Variants in KIF27 observed in about 807,000 individuals in gnomAD.
KIF27 encodes kinesin family member 27.
KIF27 carries 84 observed loss-of-function variants against 141.8 expected under a neutral mutation model. The observed-to-expected ratio is 0.59, with a 90% CI of 0.50 to 0.71. The LOEUF (loss-of-function observed/expected upper bound fraction) is 0.71, where lower values mean the gene tolerates loss of function less well. KIF27 is among the 30% of genes least tolerant of loss of function. KIF27 has a pLI of 0.00. For synonymous variants in KIF27, 471 were observed against 569.5 expected, an observed-to-expected ratio of 0.83 and a Z score of 2.46; for missense variants, 1,306 against 1,628.4, an observed-to-expected ratio of 0.80 and a Z score of 3.41.
Position 83,842,189 on chromosome 9 carries a change from C to G in KIF27, c.3721+48G>C, listed in dbSNP as rs538931045. 2,161 of 1,463,830 alleles carry G rather than the reference C, an allele frequency of 1.5e-3. 52 individuals are homozygous for G. In the South Asian group the frequency reaches 0.03, roughly 20 times the overall value. The allele number at this position is 1,463,830 out of a possible 1,614,324, so 90.7% of individuals were successfully genotyped here. ...CACTACAAAGCTGGCATGACTTCACCAAATGCTAGAGAAACAGTGTTAAGA... is the reference window on the plus strand; with the variant it reads ...CACTACAAAGCTGGCATGACTTCACGAAATGCTAGAGAAACAGTGTTAAGA... On this transcript the variant is annotated intron_variant, in intron 17 of 17. Transcript: ENST00000297814.
chr9:83,866,087 G>A (rs957200569), intron 13 of KIF27, among the ~76,000 whole-genome samples: 3 of 151,940 alleles, frequency 2.0e-5, no homozygotes, highest in African/African-American at 4.8e-5. Context: ...TGCTGTGCCT[G>A]GTTCAATCTT....
chr9:83,879,593 A>G (rs755808250), intron 11 of KIF27, among the ~76,000 whole-genome samples: 1 of 152,186 alleles, frequency 6.6e-6, no homozygotes, highest in African/African-American at 2.4e-5. Context: ...ATAGTACTAG[A>G]TAAGTGTCTG....
rs760664750 is a variant in KIF27 at position 83,867,854 on chromosome 9, C to G, written c.2764G>C (p.Asp922His). 1.3e-6 allele frequency: 2 copies of G among 1,570,374 alleles called. No homozygotes were observed. The highest frequency in any genetic ancestry group is 1.7e-6 in the Non-Finnish European group (2 of 1,165,322). ...FGSIDHLQKL[D>H]EQKKWLDEEV... The stretch of plus-strand genomic sequence containing the variant: ...TCATCTAACCATTTCTTTTGCTCAT[C>G]CAATTTCTACATTAAAATTAAAAAA... Residue 922 changes from aspartate to histidine, a missense_variant, in exon 13 of 18, where the codon GAT becomes CAT. Physicochemically the swap from Asp to His is moderately conservative, Grantham distance 81. This residue lies in a region of KIF27 where 596 missense variants were observed against 751.6 expected (regional missense o/e 0.79). Transcript: ENST00000297814.
chr9:83,917,952 T>C (rs933011325), intron 1 of KIF27, among the ~76,000 whole-genome samples: 7 of 152,174 alleles, frequency 4.6e-5, no homozygotes, highest in Non-Finnish European at 1.0e-4. Flanking sequence ...TTATACATTG[T>C]ATACATGTAC....
At chr9:83,872,684 T>C (rs1354174622) in intron 11 of KIF27, among the ~76,000 whole-genome samples, 1 of 152,030 alleles carries the variant, frequency 6.6e-6, no homozygotes, top group Non-Finnish European at 1.5e-5. Flanking sequence ...TCAGAAGCAC[T>C]GATAGGAAGT....
chr9:83,886,910 T>G (rs1299489096), intron 9 of KIF27, 131 bp downstream of exon 9: 1 of 1,011,754 alleles, frequency 9.9e-7, no homozygotes, highest in East Asian at 3.1e-5. Context: ...GCCTAAAAAC[T>G]CACCTTGTTA....
In KIF27 at chr9:83,850,272, C is replaced by T. The variant is rs368566567; in HGVS notation, c.3383G>A (p.Arg1128Gln). ...NKVVNLREAE[R>Q]KQQLYNEEMK... ...TTCTTCATTATATAACTGTTGTTTC[C>T]GTTCAGCTTCTCGCAAATTCACCAC... The change falls in exon 16 of 18, where the codon CGG (arginine) becomes CAG (glutamine). Residue 1128 changes from arginine (R) to glutamine (Q), a missense_variant. Physicochemically the swap from Arg to Gln is conservative, Grantham distance 43. This residue lies in a region of KIF27 where 596 missense variants were observed against 751.6 expected (regional missense o/e 0.79). Transcript: ENST00000297814. 42 of 1,613,520 alleles carry T rather than the reference C, an allele frequency of 2.6e-5. No homozygotes were observed. The East Asian group carries it at 5.8e-4, about 22-fold the overall frequency.
At chr9:83,898,276 A>C (rs1471317735) in intron 5 of KIF27, among the ~76,000 whole-genome samples, 1 of 152,220 alleles carries the variant, frequency 6.6e-6, no homozygotes, top group Non-Finnish European at 1.5e-5. Flanking sequence ...TTACAGATAA[A>C]ATATTAGAAT....
Position 83,899,884 on chromosome 9 carries a change from A to C in KIF27, c.1459-80T>G, listed in dbSNP as rs993282771. Reference sequence around the variant, plus strand: ...CCCATATGATAACACAAAAATGGTGATTTGATTATAGCTTGATGATGTCTC... The same window carrying C: ...CCCATATGATAACACAAAAATGGTGCTTTGATTATAGCTTGATGATGTCTC... On this transcript the variant is annotated intron_variant, in intron 4 of 17. Transcript: ENST00000297814. 3.3e-6 allele frequency: 4 copies of C among 1,210,298 alleles called. No homozygotes were observed. In the African/African-American group the frequency reaches 5.9e-5, roughly 18 times the overall value. 75.0% of individuals were successfully genotyped at this position (1,210,298 alleles called of 1,614,324 possible).
chr9:83,912,140 T>A (rs985494746), intron 2 of KIF27, among the ~76,000 whole-genome samples: 9 of 152,184 alleles, frequency 5.9e-5, no homozygotes, highest in Admixed American at 1.3e-4. Flanking sequence ...AAGCTGAGAC[T>A]TTAAAAGTTT....
At chr9:83,909,429 GTGAAACCC>G (rs2132692237) in intron 2 of KIF27, among the ~76,000 whole-genome samples, 1 of 152,168 alleles carries the variant, frequency 6.6e-6, no homozygotes, top group Non-Finnish European at 1.5e-5. Flanking sequence ...GGGAAACATG[GTGAAACCC>G]TGTCCCTACT....
At chr9:83,872,129 G>A (rs1038143763) in intron 11 of KIF27, among the ~76,000 whole-genome samples, 4 of 151,526 alleles carry the variant, frequency 2.6e-5, no homozygotes, top group African/African-American at 4.8e-5. Context: ...TTCAAGACCA[G>A]TCTGGCCAAC....
chr9:83,882,218 C>T (rs1015557089), intron 10 of KIF27, among the ~76,000 whole-genome samples: 58 of 152,020 alleles, frequency 3.8e-4, no homozygotes, highest in African/African-American at 1.4e-3. Context: ...CAAAAATTTG[C>T]GGGTGTGGTG....
chr9:83,867,033 T>C (rs1950422639), intron 13 of KIF27, among the ~76,000 whole-genome samples: 1 of 134,980 alleles, frequency 7.4e-6, no homozygotes, highest in Non-Finnish European at 1.5e-5. Context: ...AGGTAACCAC[T>C]ATTCTAGTTT....
At chr9:83,873,164 G>C (rs1950932997) in intron 11 of KIF27, among the ~76,000 whole-genome samples, 1 of 152,198 alleles carries the variant, frequency 6.6e-6, no homozygotes, top group Admixed American at 6.5e-5. Flanking sequence ...TAAACCAGAA[G>C]CAAGATCAAA....
chr9:83,918,545 A>G (rs1588353592), intron 1 of KIF27, among the ~76,000 whole-genome samples: 1 of 152,214 alleles, frequency 6.6e-6, no homozygotes, highest in African/African-American at 2.4e-5. Context: ...AAATAGGCAA[A>G]GCATCCGAAA....
intron 5 of KIF27, among the ~76,000 whole-genome samples, chr9:83,892,898 TG>T (rs1307040411): frequency 6.6e-6 from 1 of 152,144 alleles, no homozygotes; most frequent in Non-Finnish European, 1.5e-5. Flanking sequence ...ATATTTGTAG[TG>T]CAAAAACTAT....
intron 2 of KIF27, among the ~76,000 whole-genome samples, chr9:83,912,075 T>C (rs1955225407): frequency 6.8e-6 from 1 of 148,136 alleles, no homozygotes; most frequent in South Asian, 2.1e-4. Context: ...TTATTACAAT[T>C]GTAAAAATAG....
Position 83,911,767 on chromosome 9 carries a change from C to T in KIF27, c.299-3115G>A, listed in dbSNP as rs1379977445. Reference sequence around the variant, plus strand: ...CCATGTTGCCCAGGCTGATCTCAAACTCCTGAGCTCAGGTGATCCTCCCAA... The same window carrying T: ...CCATGTTGCCCAGGCTGATCTCAAATTCCTGAGCTCAGGTGATCCTCCCAA... On this transcript the variant is annotated intron_variant, in intron 2 of 17. Coordinates refer to ENST00000297814, the MANE Select transcript of KIF27 (RefSeq NM_017576.4). Among the ~76,000 whole-genome samples, 12 of 152,152 alleles carry T rather than the reference C, an allele frequency of 7.9e-5. No individual in the cohort carries two copies. The South Asian group carries it at 8.3e-4, about 11-fold the overall frequency.
Sources: gnomAD v4.1 joint callset for allele counts (sites outside exome capture counted in the v4.1 genomes callset) on GRCh38, gnomAD v4.1.1 for gene constraint, gnomAD v4.1.1 regional missense constraint, MANE v1.5 for transcripts, NCBI Gene and HGNC (gene_info 2026-07-23, HGNC 2026-07-21) for gene names.